PHF21A: variants seen among roughly 807,000 people sequenced by gnomAD.
PHF21A encodes the protein PHD finger protein 21A.
Under a neutral mutation model 82.5 loss-of-function variants are expected in PHF21A, and 11 were observed. The observed-to-expected ratio is 0.13, with a 90% CI of 0.08 to 0.22. The LOEUF is 0.22. Among genes scored for constraint, PHF21A ranks in the 10% least tolerant of loss-of-function variants. PHF21A has a pLI of 1.00. For synonymous variants in PHF21A, 297 were observed against 302.8 expected (o/e 0.98, Z 0.20); for missense variants, 579 against 837.8 (o/e 0.69, Z 3.81).
intron 4 of PHF21A, among the ~76,000 whole-genome samples, chr11:46,083,256 G>A (rs185610516): frequency 7.2e-5 from 11 of 151,910 alleles, no homozygotes; most frequent in African/African-American, 2.4e-4. Flanking sequence ...AGAGTTTAAC[G>A]AGATCCGGAG....
chr11:45,942,732 C>T (rs1362890107), intron 15 of PHF21A, among the ~76,000 whole-genome samples: 2 of 152,122 alleles, frequency 1.3e-5, no homozygotes, highest in Non-Finnish European at 2.9e-5. Context: ...TCTTTGTTAC[C>T]TCTGGAATTT....
At chr11:45,978,346 G>A (rs898995135) in intron 7 of PHF21A, among the ~76,000 whole-genome samples, 5 of 151,708 alleles carry the variant, frequency 3.3e-5, no homozygotes, top group Admixed American at 3.3e-4. Flanking sequence ...AACAGAGATG[G>A]TAATAATAAT....
Position 46,008,790 on chromosome 11 carries a change from T to G in PHF21A, c.154-28824A>C, listed in dbSNP as rs556512833. Among the ~76,000 whole-genome samples, 237 of 152,286 alleles carry G rather than the reference T, an allele frequency of 1.6e-3. 2 individuals carry two copies. The highest frequency in any genetic ancestry group is 5.6e-3 in the African/African-American group (233 of 41,554). ...TTAAGTAAATAAATGTAAATTCAACTGCAAAATGCTATGTTTGCAACTGTA... is the reference window on the plus strand; with the variant it reads ...TTAAGTAAATAAATGTAAATTCAACGGCAAAATGCTATGTTTGCAACTGTA... On this transcript the variant is annotated intron_variant, in intron 6 of 18. Coordinates refer to ENST00000676320, the MANE Select transcript of PHF21A (RefSeq NM_001352027.3).
At chr11:46,097,757 T>C (rs1057102134) in intron 1 of PHF21A, among the ~76,000 whole-genome samples, 17 of 152,138 alleles carry the variant, frequency 1.1e-4, no homozygotes, top group African/African-American at 3.6e-4. Context: ...CTCTTTCTCA[T>C]TCATTTTCAA....
intron 6 of PHF21A, among the ~76,000 whole-genome samples, chr11:46,049,702 A>G (rs4073513): frequency 0.53 from 81,090 of 152,130 alleles, 25,209 homozygotes; most frequent in Non-Finnish European, 0.7. Context: ...TGTCCTACTC[A>G]GGGGGTCCCC....
At position 46,084,172 on chromosome 11, in the gene PHF21A, A is replaced by C; in HGVS notation, c.48T>G (p.Val16=). The C allele has an allele frequency of 3.1e-6, 5 of 1,599,158 alleles. No homozygotes were observed. Among genetic ancestry groups the C allele is most frequent in the Non-Finnish European group, 4.3e-6 (5 of 1,174,884 alleles). The part of the protein sequence containing the change: ...LQEALKVEIQ[V]HQKLVAQMKQ... Reference sequence around the variant, plus strand: ...AGCCAATAATACAACTTACCTGGTGAACCTGAATTTCCACTTTAAGAGCCT... The same window carrying C: ...AGCCAATAATACAACTTACCTGGTGCACCTGAATTTCCACTTTAAGAGCCT... Residue 16 remains valine (V), a synonymous_variant, in exon 4 of 19, where the codon GTT becomes GTG. Transcript: ENST00000676320.
chr11:46,072,617 T>A (rs778240966), intron 6 of PHF21A, among the ~76,000 whole-genome samples: 16 of 152,204 alleles, frequency 1.1e-4, no homozygotes, highest in Non-Finnish European at 2.4e-4. Flanking sequence ...ACTGAATGTC[T>A]AAATGGAATA....
chr11:46,042,595 A>T (rs758673710), intron 6 of PHF21A, among the ~76,000 whole-genome samples: 1 of 152,158 alleles, frequency 6.6e-6, no homozygotes, highest in Admixed American at 6.5e-5. Context: ...TGACTAGGAC[A>T]TGGTGCTAGA....
intron 6 of PHF21A, among the ~76,000 whole-genome samples, chr11:46,041,264 C>A (rs959866268): frequency 2.6e-5 from 4 of 151,880 alleles, no homozygotes; most frequent in African/African-American, 9.7e-5. Flanking sequence ...TAATATGTCG[C>A]TAGAAAAGAT....
intron 10 of PHF21A, among the ~76,000 whole-genome samples, chr11:45,961,461 G>T (rs1250579070): frequency 6.6e-6 from 1 of 152,190 alleles, no homozygotes; most frequent in Non-Finnish European, 1.5e-5. Flanking sequence ...ATCAGCTCTG[G>T]TTGACTAACA....
At chr11:46,003,898 G>T (rs1400132746) in intron 6 of PHF21A, among the ~76,000 whole-genome samples, 1 of 152,126 alleles carries the variant, frequency 6.6e-6, no homozygotes, top group African/African-American at 2.4e-5. Flanking sequence ...TTTTGGAAAG[G>T]TTCCCTATTT....
At chr11:46,113,116 T>C (rs1041154859) in intron 1 of PHF21A, among the ~76,000 whole-genome samples, 2 of 152,186 alleles carry the variant, frequency 1.3e-5, no homozygotes, top group African/African-American at 4.8e-5. Flanking sequence ...AAGGAAGGGT[T>C]TTCCGTACTG....
intron 6 of PHF21A, among the ~76,000 whole-genome samples, chr11:46,011,563 C>G (rs2095414705): frequency 6.6e-6 from 1 of 152,280 alleles, no homozygotes; most frequent in East Asian, 1.9e-4. Context: ...TACTTTCTCG[C>G]TCTGGAAATC....
At chr11:46,106,887 C>A (rs2097158280) in intron 1 of PHF21A, among the ~76,000 whole-genome samples, 1 of 152,202 alleles carries the variant, frequency 6.6e-6, no homozygotes, top group African/African-American at 2.4e-5. Context: ...TCACCTCTCT[C>A]CAGGCCTATA....
intron 1 of PHF21A, chr11:46,116,630 A>G (rs1473572474): frequency 6.6e-6 from 1 of 152,036 alleles, no homozygotes; most frequent in East Asian, 1.9e-4. Flanking sequence ...CTTCAAAACT[A>G]TAACAAAGAC....
intron 1 of PHF21A, among the ~76,000 whole-genome samples, chr11:46,100,492 T>C (rs2097079727): frequency 6.6e-6 from 1 of 152,106 alleles, no homozygotes; most frequent in Admixed American, 6.5e-5. Context: ...CGAACTCTTC[T>C]GGGGAATACC....
intron 6 of PHF21A, among the ~76,000 whole-genome samples, chr11:46,023,539 A>T (rs1235367565): frequency 6.6e-6 from 1 of 152,232 alleles, no homozygotes; most frequent in Non-Finnish European, 1.5e-5. Context: ...GTATCCCCTC[A>T]GATATGAAAA....
chr11:46,058,174 G>A (rs1021031481), intron 6 of PHF21A, among the ~76,000 whole-genome samples: 1 of 152,092 alleles, frequency 6.6e-6, no homozygotes, highest in Non-Finnish European at 1.5e-5. Context: ...TTACCATGGG[G>A]GTAAGAGAAG....
At chr11:46,048,536 G>A (rs757421257) in intron 6 of PHF21A, among the ~76,000 whole-genome samples, 1 of 152,074 alleles carries the variant, frequency 6.6e-6, no homozygotes, top group Non-Finnish European at 1.5e-5. Flanking sequence ...TTGGGAGGCC[G>A]AGGCAGGCAG....
Sources: gnomAD v4.1 joint callset for allele counts (sites outside exome capture counted in the v4.1 genomes callset) on GRCh38, gnomAD v4.1.1 for gene constraint, MANE v1.5 for transcripts, NCBI Gene and HGNC (gene_info 2026-07-23, HGNC 2026-07-21) for gene names.